Variants in COX7B2 observed in about 807,000 individuals in gnomAD.
The protein encoded by COX7B2 is cytochrome c oxidase subunit 7B2.
For missense variants in COX7B2, 109 were observed against 95.9 expected, an observed-to-expected ratio of 1.14 and a Z score of -0.57; for synonymous variants, 37 against 32.1, an observed-to-expected ratio of 1.15 and a Z score of -0.51.
intron 2 of COX7B2, among the ~76,000 whole-genome samples, chr4:46,756,009 T>C (rs1715773812): frequency 6.6e-6 from 1 of 151,816 alleles, no homozygotes; most frequent in Non-Finnish European, 1.5e-5. Flanking sequence ...GCCAAAGAAA[T>C]CCTAACCAAA....
intron 1 of COX7B2, among the ~76,000 whole-genome samples, chr4:46,860,251 A>G (rs1717254965): frequency 6.6e-6 from 1 of 152,242 alleles, no homozygotes; most frequent in Non-Finnish European, 1.5e-5. Context: ...GCTGTAGCAC[A>G]GAGACTGTAA....
intron 2 of COX7B2, among the ~76,000 whole-genome samples, chr4:46,743,658 A>G (rs1175074840): frequency 6.6e-6 from 1 of 152,158 alleles, no homozygotes; most frequent in East Asian, 1.9e-4. Flanking sequence ...ACAAAGTCAA[A>G]TTTTCTTTAT....
intron 1 of COX7B2, among the ~76,000 whole-genome samples, chr4:46,865,524 A>T (rs943246946): frequency 1.3e-5 from 2 of 152,176 alleles, no homozygotes; most frequent in African/African-American, 2.4e-5. Flanking sequence ...CTGTGGTAAG[A>T]ATAGGAGTAT....
intron 2 of COX7B2, among the ~76,000 whole-genome samples, chr4:46,785,289 C>A (rs1264827615): frequency 6.6e-6 from 1 of 151,714 alleles, no homozygotes; most frequent in Non-Finnish European, 1.5e-5. Flanking sequence ...ATATTTAAAA[C>A]TAATACAATA....
chr4:46,888,132 A>C (rs1056805791), intron 1 of COX7B2, among the ~76,000 whole-genome samples: 2 of 152,200 alleles, frequency 1.3e-5, no homozygotes, highest in Admixed American at 6.5e-5. Flanking sequence ...GGAGCTCAAC[A>C]GGAGAAGCAA....
chr4:46,741,417 T>C (rs775249500), intron 2 of COX7B2, among the ~76,000 whole-genome samples: 1 of 152,068 alleles, frequency 6.6e-6, no homozygotes, highest in Non-Finnish European at 1.5e-5. Flanking sequence ...TTTGACACCA[T>C]AAATGTCTCC....
chr4:46,845,814 A>G (rs928660897), intron 1 of COX7B2, among the ~76,000 whole-genome samples: 5 of 152,022 alleles, frequency 3.3e-5, no homozygotes, highest in African/African-American at 1.2e-4. Context: ...AGGTACATGT[A>G]CATGTTTGGT....
intron 1 of COX7B2, among the ~76,000 whole-genome samples, chr4:46,858,657 A>C (rs953971778): frequency 2.0e-5 from 3 of 152,126 alleles, no homozygotes; most frequent in Non-Finnish European, 4.4e-5. Flanking sequence ...AGACTTTTGG[A>C]AACACTACAG....
At chr4:46,906,455 TTC>T (rs1327374711) in intron 1 of COX7B2, among the ~76,000 whole-genome samples, 1 of 152,236 alleles carries the variant, frequency 6.6e-6, no homozygotes, top group African/African-American at 2.4e-5. Flanking sequence ...TCTTCTATCC[TTC>T]TATCTTTCAG....
At chr4:46,772,445 C>T (rs548828858) in intron 2 of COX7B2, among the ~76,000 whole-genome samples, 1 of 151,978 alleles carries the variant, frequency 6.6e-6, no homozygotes. Flanking sequence ...ATGTTCTCAC[C>T]ACACAAAGAA....
At chr4:46,839,866 T>C (rs1458576234) in intron 2 of COX7B2, among the ~76,000 whole-genome samples, 1 of 152,058 alleles carries the variant, frequency 6.6e-6, no homozygotes, top group Non-Finnish European at 1.5e-5. Context: ...AATATATGGT[T>C]GTTGAATTAA....
intron 2 of COX7B2, among the ~76,000 whole-genome samples, chr4:46,735,813 A>C (rs116629671): frequency 0.011 from 1,719 of 152,204 alleles, 20 homozygotes; most frequent in Middle Eastern, 0.037. Flanking sequence ...CAATTTACAA[A>C]CTTTTTTTCA....
chr4:46,906,954 T>A (rs539492771), intron 1 of COX7B2, among the ~76,000 whole-genome samples: 22 of 152,334 alleles, frequency 1.4e-4, no homozygotes, highest in African/African-American at 5.0e-4. Context: ...ATGGCTATGT[T>A]ACCTTGAAAA....
chr4:46,812,653 G>A (rs776947324), intron 2 of COX7B2, among the ~76,000 whole-genome samples: 9 of 152,136 alleles, frequency 5.9e-5, no homozygotes, highest in Non-Finnish European at 1.0e-4. Flanking sequence ...GGGATGTCTT[G>A]GCAGCTCAGA....
At chr4:46,762,737 T>C (rs1716262475) in intron 2 of COX7B2, among the ~76,000 whole-genome samples, 1 of 147,908 alleles carries the variant, frequency 6.8e-6, no homozygotes. Context: ...AAATCTATTA[T>C]GAGCCATTTC....
intron 2 of COX7B2, among the ~76,000 whole-genome samples, chr4:46,754,390 A>T (rs2109444417): frequency 6.6e-6 from 1 of 151,664 alleles, no homozygotes; most frequent in Non-Finnish European, 1.5e-5. Flanking sequence ...GCCATAAAAA[A>T]TGATGAGTTC....
chr4:46,739,447 G>A (rs1418832896), intron 2 of COX7B2, among the ~76,000 whole-genome samples: 1 of 151,966 alleles, frequency 6.6e-6, no homozygotes, highest in Non-Finnish European at 1.5e-5. Context: ...ATTAACTACT[G>A]TACGTTACAG....
intron 2 of COX7B2, among the ~76,000 whole-genome samples, chr4:46,821,897 T>G (rs771191343): frequency 2.1e-4 from 32 of 151,890 alleles, no homozygotes; most frequent in Admixed American, 2.6e-4. Context: ...ATTCATTTTT[T>G]TTTGTTTGTT....
chr4:46,749,372 A>C (rs1452899687), intron 2 of COX7B2, among the ~76,000 whole-genome samples: 1 of 152,156 alleles, frequency 6.6e-6, no homozygotes. Flanking sequence ...TGCTTTCTTT[A>C]AATGGTCTTT....
Sources: allele counts gnomAD v4.1 joint callset (sites outside exome capture counted in the v4.1 genomes callset), GRCh38; gene constraint gnomAD v4.1.1; transcripts MANE v1.5; gene names NCBI Gene and HGNC (gene_info 2026-07-23, HGNC 2026-07-21).